Variants in NEGR1 observed in about 807,000 individuals in gnomAD.
NEGR1 encodes neuronal growth regulator 1, also known as IgLON family member 4.
Under a neutral mutation model 40.9 loss-of-function variants are expected in NEGR1, and 10 were observed. The observed-to-expected ratio is 0.24, with a 90% CI of 0.15 to 0.42. The LOEUF is 0.42. NEGR1 is among the 10% of genes least tolerant of loss of function. The pLI is 1.00. For missense variants in NEGR1, 352 were observed against 438.9 expected, an observed-to-expected ratio of 0.80 and a Z score of 1.77; for synonymous variants, 185 against 166.8, an observed-to-expected ratio of 1.11 and a Z score of -0.84.
chr1:71,413,538 C>CT (rs1221829463), intron 6 of NEGR1, among the ~76,000 whole-genome samples: 1 of 152,126 alleles, frequency 6.6e-6, no homozygotes, highest in Non-Finnish European at 1.5e-5. Flanking sequence ...CAATTTATAG[C>CT]TAGATAATTG....
At chr1:71,755,475 T>C (rs1655701655) in intron 3 of NEGR1, among the ~76,000 whole-genome samples, 1 of 152,162 alleles carries the variant, frequency 6.6e-6, no homozygotes, top group East Asian at 1.9e-4. Context: ...GGGAAAAATA[T>C]ACTAAACTCT....
At chr1:72,260,931 A>T (rs1314400151) in intron 1 of NEGR1, among the ~76,000 whole-genome samples, 1 of 152,110 alleles carries the variant, frequency 6.6e-6, no homozygotes, top group Non-Finnish European at 1.5e-5. Context: ...CAGAAATGTA[A>T]ACATAAAATG....
intron 6 of NEGR1, among the ~76,000 whole-genome samples, chr1:71,548,816 G>A (rs912666977): frequency 6.6e-6 from 1 of 151,684 alleles, no homozygotes; most frequent in East Asian, 2.0e-4. Context: ...GAGCCATCTG[G>A]TGCTTACATC....
intron 2 of NEGR1, among the ~76,000 whole-genome samples, chr1:71,861,795 C>T (rs971443455): frequency 6.6e-6 from 1 of 152,000 alleles, no homozygotes; most frequent in Non-Finnish European, 1.5e-5. Flanking sequence ...TCACTGTTTC[C>T]ATTTTTCTTT....
chr1:72,214,344 T>C (rs1359200934), intron 1 of NEGR1, among the ~76,000 whole-genome samples: 1 of 152,096 alleles, frequency 6.6e-6, no homozygotes, highest in Non-Finnish European at 1.5e-5. Context: ...CTATTCAACG[T>C]ATTACTGGAA....
At chr1:71,590,993 T>C (rs752883239) in intron 6 of NEGR1, among the ~76,000 whole-genome samples, 12 of 152,146 alleles carry the variant, frequency 7.9e-5, no homozygotes, top group Admixed American at 5.2e-4. Context: ...AAAGAACTTA[T>C]AATTTGATGG....
At chr1:72,100,958 G>T (rs1433586166) in intron 1 of NEGR1, 4 of 152,210 alleles carry the variant, frequency 2.6e-5, no homozygotes, top group Admixed American at 6.6e-5. Context: ...GTGAGCTCCA[G>T]TGTCTCTTCC....
chr1:71,445,045 A>C (rs1029177420), intron 6 of NEGR1, among the ~76,000 whole-genome samples: 4 of 152,186 alleles, frequency 2.6e-5, no homozygotes, highest in Non-Finnish European at 4.4e-5. Context: ...ATGCATACAC[A>C]CAATAAATAA....
intron 4 of NEGR1, among the ~76,000 whole-genome samples, chr1:71,621,870 G>C (rs1228718190): frequency 6.6e-6 from 1 of 151,874 alleles, no homozygotes; most frequent in Non-Finnish European, 1.5e-5. Context: ...CTGTGTTGAT[G>C]ATGAGTATGC....
At chr1:72,088,292 A>G (rs1051296009) in intron 1 of NEGR1, among the ~76,000 whole-genome samples, 3 of 152,304 alleles carry the variant, frequency 2.0e-5, no homozygotes, top group Admixed American at 2.0e-4. Context: ...TGTCAGACCT[A>G]CTGAAATCAG....
At chr1:71,727,386 A>G (rs1005202902) in intron 3 of NEGR1, among the ~76,000 whole-genome samples, 2 of 152,202 alleles carry the variant, frequency 1.3e-5, no homozygotes, top group African/African-American at 4.8e-5. Context: ...ATAAACTGAG[A>G]AGCTGAATTG....
intron 2 of NEGR1, among the ~76,000 whole-genome samples, chr1:71,830,580 C>G (rs1013864215): frequency 6.6e-6 from 1 of 151,786 alleles, no homozygotes. Context: ...TGTATTGTAA[C>G]TTACATACCA....
chr1:72,132,975 C>A (rs1650313914), intron 1 of NEGR1, among the ~76,000 whole-genome samples: 1 of 152,004 alleles, frequency 6.6e-6, no homozygotes, highest in Non-Finnish European at 1.5e-5. Context: ...TAGCTAATTT[C>A]TCTTTTAGCT....
chr1:71,834,596 A>T (rs564940448), intron 2 of NEGR1, among the ~76,000 whole-genome samples: 28 of 152,086 alleles, frequency 1.8e-4, no homozygotes, highest in African/African-American at 6.7e-4. Flanking sequence ...GACTTATACA[A>T]CTGGCTTTCC....
chr1:71,530,995 A>C (rs958992888), intron 6 of NEGR1, among the ~76,000 whole-genome samples: 22 of 151,156 alleles, frequency 1.5e-4, no homozygotes, highest in African/African-American at 5.1e-4. Context: ...TGACTTACTC[A>C]ATTTTCATAA....
At chr1:71,460,935 C>CA (rs201201507) in intron 6 of NEGR1, among the ~76,000 whole-genome samples, 2,109 of 147,514 alleles carry the variant, frequency 0.014, 41 homozygotes, top group African/African-American at 0.049. Context: ...TTATATACTT[C>CA]AAAAAAAAAA....
chr1:71,878,476 C>T (rs1347050514), intron 2 of NEGR1, among the ~76,000 whole-genome samples: 2 of 152,172 alleles, frequency 1.3e-5, no homozygotes, highest in African/African-American at 4.8e-5. Flanking sequence ...TTCAGCGACA[C>T]TGAAAACTTC....
intron 3 of NEGR1, among the ~76,000 whole-genome samples, chr1:71,698,578 C>T (rs532037306): frequency 6.6e-6 from 1 of 151,924 alleles, no homozygotes; most frequent in South Asian, 2.1e-4. Context: ...ATCTCCTACC[C>T]TTATTCAAGG....
intron 2 of NEGR1, among the ~76,000 whole-genome samples, chr1:71,790,919 G>C (rs1366091666): frequency 6.6e-6 from 1 of 152,004 alleles, no homozygotes; most frequent in Non-Finnish European, 1.5e-5. Flanking sequence ...GGGAGGTTAA[G>C]TGATGAACAA....
Sources: allele counts gnomAD v4.1 joint callset (sites outside exome capture counted in the v4.1 genomes callset), GRCh38; gene constraint gnomAD v4.1.1; transcripts MANE v1.5; gene names NCBI Gene and HGNC (gene_info 2026-07-23, HGNC 2026-07-21).